WDR64: variants seen among roughly 807,000 people sequenced by gnomAD.
WDR64 encodes WD repeat-containing protein 64.
A neutral mutation model predicts 139.3 loss-of-function variants in WDR64; 112 were observed. The ratio of observed to expected loss-of-function variants is 0.80; its 90% CI spans 0.69 to 0.94. WDR64 has a LOEUF of 0.94. Among genes scored for constraint, WDR64 ranks in the 40% least tolerant of loss-of-function variants. The pLI is 0.00. For missense variants in WDR64, 1,206 were observed against 1,293.1 expected (o/e 0.93, Z 1.03); for synonymous variants, 444 against 437.7 (o/e 1.01, Z -0.18).
intron 15 of WDR64, among the ~76,000 whole-genome samples, chr1:241,764,184 G>A (rs963375967): frequency 7.2e-5 from 11 of 152,148 alleles, no homozygotes; most frequent in African/African-American, 2.7e-4. Flanking sequence ...AGAATAAGGA[G>A]CTTGAGCATC....
intron 9 of WDR64, among the ~76,000 whole-genome samples, chr1:241,717,975 T>C (rs932418141): frequency 6.6e-6 from 1 of 152,186 alleles, no homozygotes; most frequent in Non-Finnish European, 1.5e-5. Flanking sequence ...GATGTTAACT[T>C]CCATTTATCC....
intron 4 of WDR64, among the ~76,000 whole-genome samples, chr1:241,676,745 G>GTTTTTTTTT (rs11342790): frequency 8.0e-6 from 1 of 124,358 alleles, no homozygotes; most frequent in African/African-American, 3.0e-5. Context: ...AAAATTAATG[G>GTTTTTTTTT]TTTTTTTTTT....
At position 241,760,344 on chromosome 1, in the gene WDR64, T is replaced by A. The variant is rs541867295; in HGVS notation, c.1947+2885T>A. Among the ~76,000 whole-genome samples, 15 of 150,824 alleles carry A rather than the reference T, an allele frequency of 9.9e-5. No homozygotes were observed. In the East Asian group the frequency reaches 2.9e-3, roughly 29 times the overall value. ...CAACAAATAGCCATATATATATATA[T>A]ATTTATATTTATATGAAAAAGACTT... On this transcript the variant is annotated intron_variant, in intron 15 of 27. Coordinates refer to ENST00000437684, the MANE Select transcript of WDR64 (RefSeq NM_001367482.1).
chr1:241,770,812 G>A, intron 18 of WDR64, 122 bp downstream of exon 18: 1 of 757,520 alleles, frequency 1.3e-6, no homozygotes, highest in Non-Finnish European at 1.9e-6. Flanking sequence ...AATTCTGTGT[G>A]TGCATGCTTA....
At chr1:241,769,976 C>T (rs1175655276) in intron 17 of WDR64, among the ~76,000 whole-genome samples, 1 of 152,128 alleles carries the variant, frequency 6.6e-6, no homozygotes, top group African/African-American at 2.4e-5. Flanking sequence ...GAAAAAATCC[C>T]TTTTTTCCTA....
At chr1:241,781,820 A>C (rs1025582233) in intron 22 of WDR64, among the ~76,000 whole-genome samples, 1 of 152,250 alleles carries the variant, frequency 6.6e-6, no homozygotes, top group Non-Finnish European at 1.5e-5. Context: ...CACATAGGTG[A>C]AGTATCCTTT....
At chr1:241,663,011 G>C (rs866079769) in intron 2 of WDR64, among the ~76,000 whole-genome samples, 2 of 151,856 alleles carry the variant, frequency 1.3e-5, no homozygotes, top group Admixed American at 1.3e-4. Context: ...GAACTGAGAG[G>C]GTTCAAAAGA....
intron 15 of WDR64, among the ~76,000 whole-genome samples, chr1:241,765,529 A>T (rs1263057842): frequency 6.6e-6 from 1 of 152,212 alleles, no homozygotes; most frequent in South Asian, 2.1e-4. Context: ...GGACGTCAGG[A>T]GAGTAAGGAG....
At position 241,663,311 on chromosome 1, in the gene WDR64, C is replaced by T. The variant is rs563085669; in HGVS notation, c.276+2651C>T. Among the ~76,000 whole-genome samples, 50 of 152,360 alleles carry T rather than the reference C, an allele frequency of 3.3e-4. 1 individual carries two copies. In the South Asian group the frequency reaches 9.5e-3, roughly 29 times the overall value. On this transcript the variant is annotated intron_variant, in intron 2 of 27. Transcript: ENST00000437684. ...CAAGGGGAGAGCTGGCCCTGACCCC[C>T]GTCCCTTCTTTTGCCATTACTGGCT...
intron 27 of WDR64, among the ~76,000 whole-genome samples, chr1:241,799,219 A>AAAAAAAAAAAAAAAAAAC (rs1659453774): frequency 7.5e-6 from 1 of 133,234 alleles, no homozygotes; most frequent in African/African-American, 2.7e-5. Context: ...AAAAAAAAAA[A>AAAAAAAAAAAAAAAAAAC]AAAATACAAA....
chr1:241,757,071 C>T (rs145383936), intron 14 of WDR64, among the ~76,000 whole-genome samples: 289 of 152,190 alleles, frequency 1.9e-3, no homozygotes, highest in Non-Finnish European at 2.3e-3. Flanking sequence ...AATATTAAAA[C>T]TTTCATGACT....
chr1:241,669,186 A>G (rs1320141402), intron 2 of WDR64, among the ~76,000 whole-genome samples: 1 of 152,200 alleles, frequency 6.6e-6, no homozygotes, highest in Non-Finnish European at 1.5e-5. Context: ...GGAAGTTAAG[A>G]CTTCAGAAGG....
chr1:241,683,822 T>A, intron 7 of WDR64, 121 bp downstream of exon 7: 1 of 794,450 alleles, frequency 1.3e-6, no homozygotes, highest in Non-Finnish European at 1.9e-6. Context: ...TAAGACAAAA[T>A]TAAAGTAATA....
intron 27 of WDR64, among the ~76,000 whole-genome samples, chr1:241,799,368 C>T (rs1659461550): frequency 6.7e-6 from 1 of 148,236 alleles, no homozygotes; most frequent in Admixed American, 6.8e-5. Context: ...CAGAATGAAA[C>T]TCTGTCTCAA....
At chr1:241,716,023 T>C (rs1668389093) in intron 9 of WDR64, among the ~76,000 whole-genome samples, 1 of 152,138 alleles carries the variant, frequency 6.6e-6, no homozygotes, top group South Asian at 2.1e-4. Flanking sequence ...ACTAATACTT[T>C]TCATCATGCA....
At chr1:241,793,804 A>T (rs922846144) in intron 25 of WDR64, among the ~76,000 whole-genome samples, 2 of 152,236 alleles carry the variant, frequency 1.3e-5, no homozygotes, top group African/African-American at 4.8e-5. Flanking sequence ...TTCTCAATAA[A>T]CATTAGCTCC....
intron 23 of WDR64, among the ~76,000 whole-genome samples, chr1:241,786,482 G>A (rs577414320): frequency 1.4e-4 from 21 of 152,210 alleles, no homozygotes; most frequent in African/African-American, 4.8e-4. Context: ...AACCACATGG[G>A]CTATTTAGAG....
At position 241,687,640 on chromosome 1, in the gene WDR64, GC is replaced by G. The variant is rs1278358148; in HGVS notation, c.974+46del. On this transcript the variant is annotated intron_variant, in intron 8 of 27. Coordinates refer to ENST00000437684, the MANE Select transcript of WDR64 (RefSeq NM_001367482.1). ...TACATGAACAGTCTGTGAATTTCAA[GC>G]TTTTTACAATGATAAAACCATGACA... is the stretch of plus-strand genomic sequence containing the variant. 5 of 1,545,210 alleles carry G rather than the reference GC, an allele frequency of 3.2e-6. No homozygotes were observed. The South Asian group carries it at 6.0e-5, about 19-fold the overall frequency.
At chr1:241,793,320 T>C (rs1349169616) in intron 25 of WDR64, among the ~76,000 whole-genome samples, 1 of 152,194 alleles carries the variant, frequency 6.6e-6, no homozygotes, top group Non-Finnish European at 1.5e-5. Context: ...GAGCTTCACA[T>C]ACAGAGCTCA....
Sources: allele counts gnomAD v4.1 joint callset (sites outside exome capture counted in the v4.1 genomes callset), GRCh38; gene constraint gnomAD v4.1.1; transcripts MANE v1.5; gene names NCBI Gene and HGNC (gene_info 2026-07-23, HGNC 2026-07-21).